Variants in APBB2 observed in about 807,000 individuals in gnomAD.
APBB2 encodes the protein amyloid beta precursor protein binding family B member 2, also known as Fe65-like 1.
In APBB2, 38 loss-of-function variants were observed where a neutral mutation model predicts 82.5. That is an observed-to-expected ratio of 0.46 (90% confidence interval 0.36 to 0.60). APBB2 has a LOEUF of 0.60. Ranked by LOEUF, APBB2 falls within the 20% of genes least tolerant of loss-of-function variation. APBB2 has a pLI of 0.00. For missense variants in APBB2, 772 were observed against 972.3 expected (o/e 0.79, Z 2.74); for synonymous variants, 341 against 368.2 (o/e 0.93, Z 0.85).
At chr4:40,918,853 C>T (rs567954638) in intron 10 of APBB2, among the ~76,000 whole-genome samples, 1 of 151,908 alleles carries the variant, frequency 6.6e-6, no homozygotes, top group Non-Finnish European at 1.5e-5. Flanking sequence ...TCAAGCAATG[C>T]TCCCACCTCG....
At chr4:40,977,481 T>TC (rs1797468025) in intron 6 of APBB2, among the ~76,000 whole-genome samples, 1 of 151,982 alleles carries the variant, frequency 6.6e-6, no homozygotes, top group Non-Finnish European at 1.5e-5. Flanking sequence ...CCCAACTAAT[T>TC]TTTGTATTTT....
intron 1 of APBB2, among the ~76,000 whole-genome samples, chr4:41,161,342 CA>C (rs1481875085): frequency 6.6e-6 from 1 of 152,114 alleles, no homozygotes; most frequent in African/African-American, 2.4e-5. Context: ...CATGGTGGCT[CA>C]CACCTGTAAT....
intron 12 of APBB2, among the ~76,000 whole-genome samples, chr4:40,854,494 T>C (rs538162615): frequency 1.3e-5 from 2 of 152,078 alleles, no homozygotes; most frequent in Non-Finnish European, 2.9e-5. Context: ...CAGAATGAAA[T>C]TCATTTCCTA....
Position 40,834,906 on chromosome 4 carries a change from C to T in APBB2, c.1530-4329G>A, listed in dbSNP as rs112863016. Reference sequence around the variant, plus strand: ...CCACTCGGTTTGTGGCCATTTGTTACAGCAACAATAGGAAATGAATGCAAC... The same window carrying T: ...CCACTCGGTTTGTGGCCATTTGTTATAGCAACAATAGGAAATGAATGCAAC... On this transcript the variant is annotated intron_variant, in intron 12 of 17. Coordinates refer to ENST00000508593, the MANE Select transcript of APBB2 (RefSeq NM_004307.2). Among the ~76,000 whole-genome samples, 5 of 152,326 alleles carry T rather than the reference C, an allele frequency of 3.3e-5. 1 individual carries two copies. Among genetic ancestry groups the T allele is most frequent in the African/African-American group, 1.2e-4 (5 of 41,560 alleles).
At chr4:41,111,174 A>G (rs1560780333) in intron 2 of APBB2, among the ~76,000 whole-genome samples, 1 of 152,210 alleles carries the variant, frequency 6.6e-6, no homozygotes, top group Non-Finnish European at 1.5e-5. Context: ...TGCAAGAGAT[A>G]AGGAGCAGCT....
At chr4:40,881,624 C>T (rs1401932264) in intron 12 of APBB2, among the ~76,000 whole-genome samples, 1 of 148,414 alleles carries the variant, frequency 6.7e-6, no homozygotes, top group Non-Finnish European at 1.5e-5. Context: ...ACCTCTGCCT[C>T]CCAGGTTCAG....
At chr4:41,084,129 C>A (rs554776292) in intron 3 of APBB2, among the ~76,000 whole-genome samples, 27 of 152,164 alleles carry the variant, frequency 1.8e-4, no homozygotes, top group African/African-American at 6.3e-4. Context: ...TGATAGAAAT[C>A]TCTTAAAGAA....
intron 3 of APBB2, among the ~76,000 whole-genome samples, chr4:41,086,944 AC>A (rs1553937219): frequency 0.061 from 5,071 of 83,398 alleles, 145 homozygotes; most frequent in Middle Eastern, 0.14. Context: ...ACACACACAC[AC>A]ACACAAAAAA....
intron 12 of APBB2, chr4:40,848,793 C>T: frequency 1.1e-6 from 1 of 942,554 alleles, no homozygotes; most frequent in South Asian, 4.9e-5. Context: ...CCTGCCTGGG[C>T]TTGCTGATCG....
intron 6 of APBB2, among the ~76,000 whole-genome samples, chr4:40,973,369 T>C (rs1317998631): frequency 1.3e-5 from 2 of 152,190 alleles, no homozygotes; most frequent in East Asian, 3.9e-4. Flanking sequence ...TCCAAGAACT[T>C]TCTCTTGACT....
At chr4:41,036,512 G>A (rs1245037711) in intron 4 of APBB2, among the ~76,000 whole-genome samples, 1 of 152,168 alleles carries the variant, frequency 6.6e-6, no homozygotes, top group Non-Finnish European at 1.5e-5. Context: ...ATACTTTAGT[G>A]AGTAAAAACA....
chr4:41,129,885 AG>A (rs1308596946), intron 2 of APBB2, among the ~76,000 whole-genome samples: 1 of 152,170 alleles, frequency 6.6e-6, no homozygotes, highest in Non-Finnish European at 1.5e-5. Context: ...TAAAGTATGC[AG>A]GTATGTTAGA....
intron 2 of APBB2, among the ~76,000 whole-genome samples, chr4:41,121,297 A>C (rs1042461377): frequency 9.9e-5 from 15 of 152,248 alleles, no homozygotes; most frequent in African/African-American, 3.4e-4. Context: ...AGGAATGGAA[A>C]ATGGAATGCG....
chr4:41,073,036 C>A (rs1051561846), intron 3 of APBB2, among the ~76,000 whole-genome samples: 1 of 152,184 alleles, frequency 6.6e-6, no homozygotes, highest in Admixed American at 6.5e-5. Flanking sequence ...GTGAATTACA[C>A]CTTAATTAAG....
rs74394688 is a variant in APBB2 at position 41,070,696 on chromosome 4, T to A, written c.-148-5023A>T. Among the ~76,000 whole-genome samples, 2 of 152,194 alleles carry A rather than the reference T, an allele frequency of 1.3e-5. 1 individual carries two copies. Among genetic ancestry groups the A allele is most frequent in the Non-Finnish European group, 2.9e-5 (2 of 68,040 alleles). On this transcript the variant is annotated intron_variant, in intron 3 of 17. Coordinates refer to ENST00000508593, the MANE Select transcript of APBB2 (RefSeq NM_004307.2). ...TCCAAAGGTGAGGAATAGTTTTTTTTATTAGTATGTACCACGTGACATTTT... is the reference window on the plus strand; with the variant it reads ...TCCAAAGGTGAGGAATAGTTTTTTTAATTAGTATGTACCACGTGACATTTT...
intron 5 of APBB2, among the ~76,000 whole-genome samples, chr4:41,025,687 G>A (rs1413898076): frequency 6.6e-6 from 1 of 152,032 alleles, no homozygotes; most frequent in African/African-American, 2.4e-5. Flanking sequence ...GGGAGGCTGA[G>A]GTGGGTGGAT....
At position 41,078,976 on chromosome 4, in the gene APBB2, T is replaced by C. The variant is rs554874984; in HGVS notation, c.-148-13303A>G. 4.6e-5 allele frequency among the ~76,000 whole-genome samples: 7 copies of C among 152,282 alleles called. No homozygotes were observed. In the East Asian group the frequency reaches 1.3e-3, roughly 29 times the overall value. ...CACATGACTTAGCCGTGGTCAACCC[T>C]GAATCTAGAACCAGAGACATAAAGA... On this transcript the variant is annotated intron_variant, in intron 3 of 17. Transcript: ENST00000508593.
At chr4:41,151,335 A>G (rs1191282490) in intron 1 of APBB2, among the ~76,000 whole-genome samples, 1 of 152,222 alleles carries the variant, frequency 6.6e-6, no homozygotes, top group Admixed American at 6.5e-5. Flanking sequence ...AATGTTCCAT[A>G]TTTGTATTGT....
At chr4:40,889,065 G>A (rs1044331865) in intron 12 of APBB2, among the ~76,000 whole-genome samples, 36 of 152,230 alleles carry the variant, frequency 2.4e-4, no homozygotes, top group African/African-American at 8.2e-4. Context: ...ACAGGTGTGC[G>A]CACATAATCC....
Sources: allele counts gnomAD v4.1 joint callset (sites outside exome capture counted in the v4.1 genomes callset), GRCh38; gene constraint gnomAD v4.1.1; transcripts MANE v1.5; gene names NCBI Gene and HGNC (gene_info 2026-07-23, HGNC 2026-07-21).